Variants in MYO15A observed in about 807,000 individuals in gnomAD.
MYO15A encodes the protein unconventional myosin-XV.
A neutral mutation model predicts 394.6 loss-of-function variants in MYO15A; 308 were observed. That is an observed-to-expected ratio of 0.78 (90% confidence interval 0.71 to 0.86). The LOEUF (loss-of-function observed/expected upper bound fraction) is 0.86, where lower values mean the gene tolerates loss of function less well. MYO15A is among the 40% of genes least tolerant of loss of function. MYO15A has a pLI of 0.00. For synonymous variants in MYO15A, 1,957 were observed against 2,003.8 expected, an observed-to-expected ratio of 0.98 and a Z score of 0.62; for missense variants, 4,606 against 4,799.1, an observed-to-expected ratio of 0.96 and a Z score of 1.19.
rs1013051759 is a variant in MYO15A at position 18,122,566 on chromosome 17, C to T, written c.3609+157C>T. ...AAGTTGGGGAGAACAGCCTGGACCT[C>T]CCAGAACCTCTGGAGGGTTGAACAA... is the stretch of plus-strand genomic sequence containing the variant. On this transcript the variant is annotated intron_variant, in intron 2 of 65. Transcript: ENST00000647165. 3 of 1,157,446 alleles carry T rather than the reference C, an allele frequency of 2.6e-6. No homozygotes were observed. The South Asian group carries it at 4.9e-5, about 19-fold the overall frequency. The allele number at this position is 1,157,446 out of a possible 1,614,324, so 71.7% of individuals were successfully genotyped here.
In MYO15A at chr17:18,122,390, C is replaced by G. The variant is rs368275759; in HGVS notation, c.3590C>G (p.Pro1197Arg). The G allele has an allele frequency of 3.7e-6, 6 of 1,612,324 alleles. No homozygotes were observed. In the African/African-American group the frequency reaches 6.7e-5, roughly 18 times the overall value. ...AGGGGCTCCTGGGAGGAGGTCGGCC[C>G]GCCAAGCTGGCGGAACAAGGTATGG... ...SLRGSWEEVG[P>R]PSWRNKMHSI... The change falls in exon 2 of 66, where the codon CCG becomes CGG. Residue 1197 changes from proline to arginine, a missense_variant. Transcript: ENST00000647165.
chr17:18,140,426 G>A, intron 19 of MYO15A, 91 bp from the exon 20 acceptor site: 2 of 1,562,858 alleles, frequency 1.3e-6, no homozygotes, highest in Middle Eastern at 1.7e-4. Flanking sequence ...AGATCCCCCT[G>A]GTCCGGAGAT....
At position 18,142,250 on chromosome 17, in the gene MYO15A, G is replaced by A; in HGVS notation, c.5821G>A (p.Ala1941Thr). The stretch of plus-strand genomic sequence containing the variant: ...GCAAAGCCGGGCCCGTGGCTACCTT[G>A]CCAGGTGAGGCACAGAAAAGGCAGG... Reference protein sequence around the residue: ...LLQSRARGYLARQRYQQMRRS... With the variant: ...LLQSRARGYLTRQRYQQMRRS... Residue 1941 changes from alanine to threonine, a missense_variant, in exon 24 of 66, where the codon GCC becomes ACC. Ala to Thr is a moderately conservative substitution (Grantham distance 58). Coordinates refer to ENST00000647165, the MANE Select transcript of MYO15A (RefSeq NM_016239.4). The A allele has an allele frequency of 3.1e-6, 5 of 1,612,060 alleles. No individual in the cohort carries two copies. The highest frequency in any genetic ancestry group is 3.4e-6 in the Non-Finnish European group (4 of 1,179,716).
rs151127423 is a variant in MYO15A at position 18,147,563 on chromosome 17, TGGAGGAGA to T, written c.6510-463_6510-456del. On this transcript the variant is annotated intron_variant, in intron 30 of 65. Coordinates refer to ENST00000647165, the MANE Select transcript of MYO15A (RefSeq NM_016239.4). The surrounding 1 kb of genome is among the most constrained non-coding windows in gnomAD (Gnocchi z 4.4). Reference sequence around the variant, plus strand: ...GCTGTCCCTTTTATAGGTGAAAACTTGGAGGAGAGGCTCAGAGAGGGCAGATAATCATC... The same window carrying T: ...GCTGTCCCTTTTATAGGTGAAAACTTGGCTCAGAGAGGGCAGATAATCATC... Among the ~76,000 whole-genome samples the T allele has an allele frequency of 9.7e-4, 148 of 152,194 alleles. No individual in the cohort carries two copies. Among genetic ancestry groups the T allele is most frequent in the African/African-American group, 3.4e-3 (143 of 41,528 alleles).
intron 51 of MYO15A, 115 bp downstream of exon 51, chr17:18,158,015 C>T (rs1267862432): frequency 1.5e-6 from 2 of 1,366,398 alleles, no homozygotes; most frequent in Admixed American, 2.9e-5. Flanking sequence ...GCTCTTGGGG[C>T]GTGGCTGATC....
chr17:18,126,367 G>A lies in MYO15A; in HGVS notation c.3777G>A (p.Leu1259=), dbSNP rs746551992. ...NLIYTYIGSI[L]VSVNPYQMFG... ...AGCAGACATACATTGGGAGCATCCT[G>A]GTGTCGGTGAACCCATACCAAATGT... Residue 1259 remains leucine, a synonymous_variant, in exon 5 of 66, where the codon CTG becomes CTA. Transcript: ENST00000647165. 5 of 1,613,980 alleles carry A rather than the reference G, an allele frequency of 3.1e-6. No homozygotes were observed. The highest frequency in any genetic ancestry group is 4.2e-6 in the Non-Finnish European group (5 of 1,179,938).
chr17:18,156,261 G>T lies in MYO15A; in HGVS notation c.8526G>T (p.Glu2842Asp). 6.2e-7 allele frequency: 1 copy of T among 1,614,208 alleles called. No homozygotes were observed. The highest frequency in any genetic ancestry group is 8.5e-7 in the Non-Finnish European group (1 of 1,180,028). ...QNMLEFNLAS[E>D]KVILFSARAH... ...TGCTGGAGTTCAACCTGGCCAGTGA[G>T]AAGGTCATCCTCTTCTCAGCCCGAG... Residue 2842 changes from glutamate (E) to aspartate (D), a missense_variant, in exon 48 of 66, where the codon GAG becomes GAT. Around this residue, in one of 2 missense-constraint regions of MYO15A, gnomAD observed 2,776 missense variants for 3,109.3 expected, o/e 0.89. Coordinates refer to ENST00000647165, the MANE Select transcript of MYO15A (RefSeq NM_016239.4).
At chr17:18,145,813 G>A in intron 29 of MYO15A, 59 bp from the exon 30 acceptor site, 2 of 1,495,476 alleles carry the variant, frequency 1.3e-6, no homozygotes, top group South Asian at 1.2e-5. Flanking sequence ...CATGTTGTGG[G>A]GTGGGGACTG....
At position 18,122,194 on chromosome 17, in the gene MYO15A, C is replaced by A. The variant is rs780749414; in HGVS notation, c.3394C>A (p.Pro1132Thr). The A allele has an allele frequency of 1.9e-6, 3 of 1,613,154 alleles. No individual in the cohort carries two copies. ...GCTGAGCTCTTTCCAGCGAGTTGGG[C>A]CTGCAACCCTGAAGCCTCAAGTCCA... ...QKLSSFQRVG[P>T]ATLKPQVQPI... Residue 1132 changes from proline to threonine, a missense_variant, in exon 2 of 66, where the codon CCT (proline) becomes ACT (threonine). By Grantham distance (38) the Pro-to-Thr change is conservative. Around this residue, in one of 2 missense-constraint regions of MYO15A, gnomAD observed 1,830 missense variants for 1,689.7 expected, o/e 1.08. Coordinates refer to ENST00000647165, the MANE Select transcript of MYO15A (RefSeq NM_016239.4).
At chr17:18,158,872 A>G in intron 52 of MYO15A, 53 bp from the exon 53 acceptor site, 1 of 1,602,252 alleles carries the variant, frequency 6.2e-7, no homozygotes, top group African/African-American at 1.3e-5. Context: ...GTGGAAAAGG[A>G]TGTAGCCAAG....
Position 18,138,680 on chromosome 17 carries a change from C to A in MYO15A, c.5008-131C>A, listed in dbSNP as rs1473474321. 4 of 1,293,056 alleles carry A rather than the reference C, an allele frequency of 3.1e-6. No individual in the cohort carries two copies. In the East Asian group the frequency reaches 1.0e-4, roughly 33 times the overall value. The allele number at this position is 1,293,056 out of a possible 1,614,324, so 80.1% of individuals were successfully genotyped here. A position where few individuals can be genotyped will look rare whatever the true frequency, so the allele number is the denominator to read the frequency against. ...CCTTCTGACCCAGGGAGATGGGCAG[C>A]CATGGGAAGCTGTGAGTTGTTCCTC... On this transcript the variant is annotated intron_variant, in intron 17 of 65. Coordinates refer to ENST00000647165, the MANE Select transcript of MYO15A (RefSeq NM_016239.4).
intron 21 of MYO15A, 67 bp downstream of exon 21, chr17:18,140,899 G>A: frequency 6.2e-7 from 1 of 1,613,214 alleles, no homozygotes; most frequent in Non-Finnish European, 8.5e-7. Context: ...CCTTGGGCAA[G>A]TGGCTTGGCC....
In MYO15A at chr17:18,146,034, C is replaced by T. The variant is rs375805896; in HGVS notation, c.6436C>T (p.Arg2146Trp). ...WHNHNAHNAERGWLLLAACLS... is the reference protein window; with the variant it reads ...WHNHNAHNAEWGWLLLAACLS... ...CAATCACAATGCCCACAATGCTGAG[C>T]GGGGCTGGCTGCTGCTGGCCGCCTG... Residue 2146 changes from arginine to tryptophan, a missense_variant, in exon 30 of 66, where the codon CGG becomes TGG. By Grantham distance (101) the Arg-to-Trp change is moderately radical. This residue lies in a region of MYO15A where 2,776 missense variants were observed against 3,109.3 expected (regional missense o/e 0.89). Coordinates refer to ENST00000647165, the MANE Select transcript of MYO15A (RefSeq NM_016239.4). The T allele has an allele frequency of 8.1e-6, 13 of 1,613,770 alleles. No individual in the cohort carries two copies. The highest frequency in any genetic ancestry group is 2.7e-5 in the African/African-American group (2 of 74,914).
At chr17:18,136,383 C>T (rs1421924706) in intron 13 of MYO15A, 34 bp from the exon 14 acceptor site, 13 of 1,612,892 alleles carry the variant, frequency 8.1e-6, no homozygotes, top group Non-Finnish European at 6.8e-6. Context: ...GAGTGGCCAG[C>T]CTGATGTCAC....
At chr17:18,164,456 C>G (rs2046820892) in intron 60 of MYO15A, 1 of 164,498 alleles carries the variant, frequency 6.1e-6, no homozygotes, top group South Asian at 1.6e-4. Context: ...CTGCCCAAGT[C>G]CAGCTAAGAC....
rs905352069 is a variant in MYO15A at position 18,153,965 on chromosome 17, G to A, written c.8088+69G>A. ...AGGGGAGGGGCTGAAGCGAGCAGAG[G>A]AGGGTCTAGGACTTGGGGAGGGAGC... On this transcript the variant is annotated intron_variant, in intron 43 of 65. Transcript: ENST00000647165. The surrounding 1 kb of genome is among the most constrained non-coding windows in gnomAD (Gnocchi z 4.1). 12 of 1,610,984 alleles carry A rather than the reference G, an allele frequency of 7.4e-6. No individual in the cohort carries two copies. The highest frequency in any genetic ancestry group is 1.0e-5 in the Non-Finnish European group (12 of 1,178,578).
At chr17:18,157,931 G>GCC in intron 51 of MYO15A, 31 bp downstream of exon 51, 5 of 412,712 alleles carry the variant, frequency 1.2e-5, no homozygotes, top group East Asian at 6.5e-5. Context: ...GTGGGGCGGG[G>GCC]TAGACCAGGG....
intron 7 of MYO15A, among the ~76,000 whole-genome samples, chr17:18,128,440 G>A (rs1031395288): frequency 7.9e-5 from 12 of 152,164 alleles, no homozygotes; most frequent in African/African-American, 2.2e-4. Context: ...AGGTGATCCT[G>A]GGGGCGTAGG....
rs748006735 is a variant in MYO15A at position 18,121,152 on chromosome 17, G to C, written c.2352G>C (p.Pro784=). 9.9e-6 allele frequency: 15 copies of C among 1,511,976 alleles called. No homozygotes were observed. The highest frequency in any genetic ancestry group is 1.2e-5 in the South Asian group (1 of 81,678). The allele number at this position is 1,511,976 out of a possible 1,614,324, so 93.7% of individuals were successfully genotyped here. ...CCCAGCCCTCGCTGAGGAGCTCGCC[G>C]GGCCTCGGCTACTGCTCACCCTTGG... ...ASPQPSLRSS[P]GLGYCSPLAP... The change falls in exon 2 of 66, where the codon CCG becomes CCC. Residue 784 remains proline (P), a synonymous_variant. Coordinates refer to ENST00000647165, the MANE Select transcript of MYO15A (RefSeq NM_016239.4). The surrounding 1 kb of genome is among the most constrained non-coding windows in gnomAD (Gnocchi z 5.3).
Sources: gnomAD v4.1 joint callset for allele counts (sites outside exome capture counted in the v4.1 genomes callset) on GRCh38, gnomAD v4.1.1 for gene constraint, gnomAD v4.1.1 regional missense constraint, Gnocchi (gnomAD v3.1) non-coding constraint, MANE v1.5 for transcripts, NCBI Gene and HGNC (gene_info 2026-07-23, HGNC 2026-07-21) for gene names.